SLC2A13: variants seen among roughly 807,000 people sequenced by gnomAD.
SLC2A13 encodes proton myo-inositol cotransporter.
A neutral mutation model predicts 64.4 loss-of-function variants in SLC2A13; 32 were observed. That is an observed-to-expected ratio of 0.50 (90% CI 0.37 to 0.67). SLC2A13 has a LOEUF of 0.67. SLC2A13 is among the 30% of genes least tolerant of loss of function. The probability of loss-of-function intolerance (pLI) is 0.00; values close to 1 mark genes in which losing one functional copy is unlikely to be tolerated. For missense variants in SLC2A13, 743 were observed against 829.2 expected, an observed-to-expected ratio of 0.90 and a Z score of 1.28; for synonymous variants, 338 against 327.1, an observed-to-expected ratio of 1.03 and a Z score of -0.36.
intron 3 of SLC2A13, among the ~76,000 whole-genome samples, chr12:39,983,966 T>C (rs1946973890): frequency 6.6e-6 from 1 of 150,382 alleles, no homozygotes; most frequent in African/African-American, 2.4e-5. Context: ...TAAGAAAATG[T>C]GGCACATATA....
chr12:39,983,050 C>G (rs1263100049), intron 3 of SLC2A13, among the ~76,000 whole-genome samples: 20 of 150,014 alleles, frequency 1.3e-4, no homozygotes, highest in African/African-American at 4.2e-4. Flanking sequence ...TGATCTTTGA[C>G]AAACCTGAGA....
intron 4 of SLC2A13, among the ~76,000 whole-genome samples, chr12:39,917,738 A>G (rs1945544855): frequency 6.6e-6 from 1 of 151,934 alleles, no homozygotes; most frequent in Admixed American, 6.6e-5. Context: ...CTGCTTTCAG[A>G]TGGCAGACAG....
chr12:39,920,881 C>T (rs577588206), intron 4 of SLC2A13, among the ~76,000 whole-genome samples: 8 of 152,100 alleles, frequency 5.3e-5, no homozygotes, highest in Admixed American at 2.6e-4. Flanking sequence ...CAAAAGCTAG[C>T]GACACATCAT....
chr12:39,903,328 A>G (rs1276659014), intron 4 of SLC2A13, among the ~76,000 whole-genome samples: 1 of 152,156 alleles, frequency 6.6e-6, no homozygotes, highest in Non-Finnish European at 1.5e-5. Context: ...TATTTCAGGA[A>G]GCATTTTTCC....
intron 6 of SLC2A13, among the ~76,000 whole-genome samples, chr12:39,849,052 A>C (rs2135890320): frequency 6.6e-6 from 1 of 152,224 alleles, no homozygotes; most frequent in Non-Finnish European, 1.5e-5. Flanking sequence ...GGAGAGGAAC[A>C]AAAAAGATAA....
rs530796703 is a variant in SLC2A13 at position 39,842,958 on chromosome 12, G to A, written c.1320-12730C>T. The stretch of plus-strand genomic sequence containing the variant: ...TTGTCAGTAGTTCATGTTTTTTACA[G>A]TTATACAATATTCCACTGTAGGATA... On this transcript the variant is annotated intron_variant, in intron 6 of 9. Coordinates refer to ENST00000280871, the MANE Select transcript of SLC2A13 (RefSeq NM_052885.4). 3.3e-5 allele frequency among the ~76,000 whole-genome samples: 5 copies of A among 152,020 alleles called. No homozygotes were observed. In the South Asian group the frequency reaches 1.0e-3, roughly 32 times the overall value.
intron 2 of SLC2A13, among the ~76,000 whole-genome samples, chr12:40,047,279 T>C (rs970929175): frequency 2.0e-5 from 3 of 152,218 alleles, no homozygotes; most frequent in African/African-American, 4.8e-5. Flanking sequence ...TGAGTTTATA[T>C]TGTTGAATAT....
intron 4 of SLC2A13, among the ~76,000 whole-genome samples, chr12:39,877,062 C>T (rs1466435058): frequency 6.6e-6 from 1 of 152,080 alleles, no homozygotes; most frequent in Non-Finnish European, 1.5e-5. Flanking sequence ...TTTAGAATGC[C>T]ATTACATTAA....
chr12:39,761,285 G>C (rs1940136956), intron 9 of SLC2A13, among the ~76,000 whole-genome samples: 1 of 151,904 alleles, frequency 6.6e-6, no homozygotes, highest in South Asian at 2.1e-4. Flanking sequence ...TTAAGTGTTG[G>C]CAGTTTATGA....
intron 4 of SLC2A13, among the ~76,000 whole-genome samples, chr12:39,930,194 G>C (rs1565547377): frequency 6.6e-6 from 1 of 151,706 alleles, no homozygotes; most frequent in African/African-American, 2.4e-5. Flanking sequence ...ATAGGAGAGA[G>C]AGAAAAAAAT....
chr12:39,957,843 T>A (rs939563055), intron 3 of SLC2A13, among the ~76,000 whole-genome samples: 1 of 152,062 alleles, frequency 6.6e-6, no homozygotes, highest in African/African-American at 2.4e-5. Flanking sequence ...ATGAGCCTAC[T>A]CCATGCTAGG....
At chr12:40,078,090 T>C (rs1938248898) in intron 1 of SLC2A13, among the ~76,000 whole-genome samples, 1 of 152,208 alleles carries the variant, frequency 6.6e-6, no homozygotes. Context: ...AATTATATCA[T>C]CTGTAGATAG....
At chr12:39,915,479 G>T (rs11174266) in intron 4 of SLC2A13, among the ~76,000 whole-genome samples, 2 of 151,842 alleles carry the variant, frequency 1.3e-5, no homozygotes, top group African/African-American at 4.8e-5. Flanking sequence ...GGCAAGATCA[G>T]ATATCTGATT....
chr12:39,836,287 T>C (rs1943001246), intron 6 of SLC2A13, among the ~76,000 whole-genome samples: 1 of 152,096 alleles, frequency 6.6e-6, no homozygotes, highest in African/African-American at 2.4e-5. Flanking sequence ...AATGCAGATA[T>C]ATTAGAAACT....
chr12:40,106,071 G>C lies in SLC2A13; in HGVS notation c.-263C>G. ...GCCCCGCGCCTGCCGAGCTGGCGCT[G>C]CGGAGCGGGCGGGAGGCGGGACCGC... On this transcript the variant is annotated 5_prime_UTR_variant, in exon 1 of 10. Coordinates refer to ENST00000280871, the MANE Select transcript of SLC2A13 (RefSeq NM_052885.4). 6.1e-6 allele frequency: 2 copies of C among 328,932 alleles called. No homozygotes were observed. The highest frequency in any genetic ancestry group is 5.0e-5 in the East Asian group (1 of 19,898). The allele number at this position is 328,932 out of a possible 1,614,324, so 20.4% of individuals were successfully genotyped here.
intron 4 of SLC2A13, among the ~76,000 whole-genome samples, chr12:39,938,952 G>A (rs143353427): frequency 1.4e-3 from 219 of 152,232 alleles, no homozygotes; most frequent in Middle Eastern, 6.8e-3. Context: ...GGCACCATAA[G>A]TGATTTCTCA....
chr12:39,899,731 T>G (rs1242457521), intron 4 of SLC2A13, among the ~76,000 whole-genome samples: 2 of 152,084 alleles, frequency 1.3e-5, no homozygotes, highest in African/African-American at 2.4e-5. Context: ...CCTTCATTTA[T>G]TTATGTACCC....
intron 1 of SLC2A13, among the ~76,000 whole-genome samples, chr12:40,051,888 A>G (rs1397103960): frequency 6.6e-6 from 1 of 152,186 alleles, no homozygotes; most frequent in Non-Finnish European, 1.5e-5. Flanking sequence ...AGGTTCAATG[A>G]TCAGGATCAA....
rs1002513523 is a variant in SLC2A13, at chr12:39,915,967, GAAT to G, written c.1034+35287_1034+35289del. 7.9e-5 allele frequency among the ~76,000 whole-genome samples: 12 copies of G among 151,790 alleles called. 1 individual carries two copies. The South Asian group carries it at 2.1e-3, about 26-fold the overall frequency. On this transcript the variant is annotated intron_variant, in intron 4 of 9. Coordinates refer to ENST00000280871, the MANE Select transcript of SLC2A13 (RefSeq NM_052885.4). ...CACTTACATTTATTCAAAAGACAAA[GAAT>G]ACCTCCAAATGCCTTTTACTCCTAT...
Sources: allele counts gnomAD v4.1 joint callset (sites outside exome capture counted in the v4.1 genomes callset), GRCh38; gene constraint gnomAD v4.1.1; transcripts MANE v1.5; gene names NCBI Gene and HGNC (gene_info 2026-07-23, HGNC 2026-07-21).